The following DYRK1B variants were observed in gnomAD, a reference collection of about 807,000 sequenced individuals.
The protein encoded by DYRK1B is dual specificity tyrosine phosphorylation regulated kinase 1B.
In DYRK1B, 20 loss-of-function variants were observed where a neutral mutation model predicts 57.1. The observed-to-expected ratio is 0.35, with a 90% CI of 0.25 to 0.51. DYRK1B has a LOEUF of 0.51. DYRK1B is among the 20% of genes least tolerant of loss of function. DYRK1B has a pLI of 0.96. For synonymous variants in DYRK1B, 409 were observed against 384.7 expected, an observed-to-expected ratio of 1.06 and a Z score of -0.74; for missense variants, 732 against 886.3, an observed-to-expected ratio of 0.83 and a Z score of 2.21.
rs1968629884 is a variant in DYRK1B, at chr19:39,828,225, C to A, written c.807+72G>T. On this transcript the variant is annotated intron_variant, in intron 6 of 10. Coordinates refer to ENST00000323039, the MANE Select transcript of DYRK1B (RefSeq NM_004714.3). This position sits in a 1 kb window ranked among gnomAD's most constrained non-coding sequence, Gnocchi z 4.3. Reference sequence around the variant, plus strand: ...ATAATCCCATCCCAGCCAAGCCCCGCCCCTAAGCCTCCCGTTGGCTCTGCC... The same window carrying A: ...ATAATCCCATCCCAGCCAAGCCCCGACCCTAAGCCTCCCGTTGGCTCTGCC... 1 of 1,535,548 alleles carries A rather than the reference C, an allele frequency of 6.5e-7. No individual in the cohort carries two copies. The highest frequency in any genetic ancestry group is 2.3e-5 in the East Asian group (1 of 44,304).
chr19:39,833,074 C>T (rs1968898532), intron 1 of DYRK1B: 1 of 985,286 alleles, frequency 1.0e-6, no homozygotes, highest in Non-Finnish European at 1.2e-6. Context: ...AGGGTTCTCT[C>T]CTCCCAGAGT....
rs1274801234 is a variant in DYRK1B at position 39,826,120 on chromosome 19, C to T, written c.1519-34G>A. 6.4e-7 allele frequency: 1 copy of T among 1,555,074 alleles called. No homozygotes were observed. On this transcript the variant is annotated intron_variant, in intron 10 of 10. Transcript: ENST00000323039. This position sits in a 1 kb window ranked among gnomAD's most constrained non-coding sequence, Gnocchi z 6.3. ...GCAAAGGAGCCATGGGTGATGGAGACCCTGGTCTCTAAGCCCCAGGCACCA... is the reference window on the plus strand; with the variant it reads ...GCAAAGGAGCCATGGGTGATGGAGATCCTGGTCTCTAAGCCCCAGGCACCA...
At position 39,830,468 on chromosome 19, in the gene DYRK1B, A is replaced by G; in HGVS notation, c.279T>C (p.Asp93=). The part of the protein sequence containing the change: ...KEKKVLNHGY[D]DDNHDYIVRS... ...GCACGATGTAGTCATGGTTGTCGTCATCATAACCATGGTTCAGGACCTTCT... is the reference window on the plus strand; with the variant it reads ...GCACGATGTAGTCATGGTTGTCGTCGTCATAACCATGGTTCAGGACCTTCT... The change falls in exon 4 of 11, where the codon GAT becomes GAC. Residue 93 remains aspartate, a synonymous_variant. Transcript: ENST00000323039. 4 of 1,614,224 alleles carry G rather than the reference A, an allele frequency of 2.5e-6. No individual in the cohort carries two copies. Among genetic ancestry groups the G allele is most frequent in the Admixed American group, 1.7e-5 (1 of 60,038 alleles).
rs1968656655 is a variant in DYRK1B, at chr19:39,828,631, G to C, written c.521-48C>G. ...GGCCAGAGAAGAAACGGCTCAGAGA[G>C]GGCAGGTGGTGGCCTGGGGTCATAC... On this transcript the variant is annotated intron_variant, in intron 5 of 10. Coordinates refer to ENST00000323039, the MANE Select transcript of DYRK1B (RefSeq NM_004714.3). The surrounding 1 kb of genome is among the most constrained non-coding windows in gnomAD (Gnocchi z 4.3). 2 of 1,565,650 alleles carry C rather than the reference G, an allele frequency of 1.3e-6. No homozygotes were observed. The highest frequency in any genetic ancestry group is 2.4e-5 in the South Asian group (2 of 84,208).
rs780638095 is a variant in DYRK1B at position 39,827,674 on chromosome 19, G to A, written c.808-18C>T. On this transcript the variant is annotated intron_variant, in intron 6 of 10. Coordinates refer to ENST00000323039, the MANE Select transcript of DYRK1B (RefSeq NM_004714.3). ...TGGTAGATCTGGGAAAAGGGTAATC[G>A]TCAAGGGACCCAGCCTCCCCTACTG... is the stretch of plus-strand genomic sequence containing the variant. 3.3e-5 allele frequency: 53 copies of A among 1,608,742 alleles called. No homozygotes were observed. The highest frequency in any genetic ancestry group is 8.3e-5 in the Admixed American group (5 of 59,908).
chr19:39,830,601 G>C (rs1178333863), intron 3 of DYRK1B, 38 bp from the exon 4 acceptor site: 1 of 1,613,772 alleles, frequency 6.2e-7, no homozygotes, highest in Admixed American at 1.7e-5. Context: ...GGACTGGTGA[G>C]TGACTCATGC....
intron 8 of DYRK1B, 26 bp downstream of exon 8, chr19:39,827,259 G>A (rs1159696451): frequency 6.3e-7 from 1 of 1,591,634 alleles, no homozygotes; most frequent in Non-Finnish European, 8.6e-7. Context: ...CGGGGTGGGA[G>A]GAGTGGCATG....
In DYRK1B at chr19:39,830,714, G is replaced by T. The variant is rs780672797; in HGVS notation, c.133C>A (p.Leu45Met). 8 of 1,614,172 alleles carry T rather than the reference G, an allele frequency of 5.0e-6. No homozygotes were observed. Among genetic ancestry groups the T allele is most frequent in the Non-Finnish European group, 6.8e-6 (8 of 1,180,028 alleles). ...ATGAGGTCCACAGAGAGCTTACGCA[G>T]CGGGGCTGAGGTTGCATCCCGGAAG... Reference protein sequence around the residue: ...LAFRDATSAPLRKLSVDLIKT... With the variant: ...LAFRDATSAPMRKLSVDLIKT... Residue 45 changes from leucine to methionine, a missense_variant, in exon 3 of 11, where the codon CTG becomes ATG. Leu to Met is a conservative substitution (Grantham distance 15). Around this residue, in one of 2 missense-constraint regions of DYRK1B, gnomAD observed 510 missense variants for 681.3 expected, o/e 0.75. Transcript: ENST00000323039.
chr19:39,825,864 C>G lies in DYRK1B; in HGVS notation c.1741G>C (p.Ala581Pro), dbSNP rs1033917122. The change falls in exon 11 of 11, where the codon GCG becomes CCG. Residue 581 changes from alanine to proline, a missense_variant. Physicochemically the swap from Ala to Pro is conservative, Grantham distance 27 (BLOSUM62 -1). Transcript: ENST00000323039. ...GPADCSPPHP[A>P]PAPQHPAASA... Reference sequence around the variant, plus strand: ...GCAGCCGGGTGCTGGGGGGCAGGCGCTGGGTGAGGTGGGGAGCAGTCAGCA... The same window carrying G: ...GCAGCCGGGTGCTGGGGGGCAGGCGGTGGGTGAGGTGGGGAGCAGTCAGCA... The G allele has an allele frequency of 2.5e-6, 4 of 1,602,728 alleles. No homozygotes were observed. In the African/African-American group the frequency reaches 5.4e-5, roughly 21 times the overall value.
In DYRK1B at chr19:39,826,168, A is replaced by G. The variant is rs780476805; in HGVS notation, c.1518+12T>C. The G allele has an allele frequency of 3.8e-6, 6 of 1,587,332 alleles. No homozygotes were observed. In the East Asian group the frequency reaches 9.2e-5, roughly 24 times the overall value. On this transcript the variant is annotated intron_variant, in intron 10 of 10. Coordinates refer to ENST00000323039, the MANE Select transcript of DYRK1B (RefSeq NM_004714.3). This position sits in a 1 kb window ranked among gnomAD's most constrained non-coding sequence, Gnocchi z 6.3. ...CCACCACCCACCTCCAAAGCCCCCA[A>G]AGCCCCATTACCTGGGGGCTGTTCA...
chr19:39,832,528 T>C (rs2145038842), intron 1 of DYRK1B, among the ~76,000 whole-genome samples: 1 of 151,870 alleles, frequency 6.6e-6, no homozygotes, highest in Non-Finnish European at 1.5e-5. Context: ...ACCACATGAG[T>C]CTTCCCCTCC....
At position 39,828,570 on chromosome 19, in the gene DYRK1B, C is replaced by A. The variant is rs1374500674; in HGVS notation, c.534G>T (p.Arg178=). 1 of 1,608,094 alleles carries A rather than the reference C, an allele frequency of 6.2e-7. No homozygotes were observed. Among genetic ancestry groups the A allele is most frequent in the East Asian group, 2.2e-5 (1 of 44,688 alleles). ...ACAGGTGGTTCCGGAACATGAAGTG[C>A]CGCTTCAGGTGTACTGCGGGGGAGG... is the stretch of plus-strand genomic sequence containing the variant. The part of the protein sequence containing the change: ...EMKYYIVHLK[R]HFMFRNHLCL... The change falls in exon 6 of 11, where the codon CGG becomes CGT. Residue 178 remains arginine (R), a synonymous_variant. Transcript: ENST00000323039. This position sits in a 1 kb window ranked among gnomAD's most constrained non-coding sequence, Gnocchi z 4.3.
Position 39,826,790 on chromosome 19 carries a change from G to C in DYRK1B, c.1293C>G (p.Phe431Leu). 1 of 1,550,544 alleles carries C rather than the reference G, an allele frequency of 6.4e-7. No individual in the cohort carries two copies. The highest frequency in any genetic ancestry group is 8.7e-7 in the Non-Finnish European group (1 of 1,150,302). Residue 431 changes from phenylalanine to leucine, a missense_variant, in exon 9 of 11, where the codon TTC becomes TTG. Physicochemically the swap from Phe to Leu is conservative, Grantham distance 22. Around this residue, in one of 2 missense-constraint regions of DYRK1B, gnomAD observed 510 missense variants for 681.3 expected, o/e 0.75. Transcript: ENST00000323039. This position sits in a 1 kb window ranked among gnomAD's most constrained non-coding sequence, Gnocchi z 6.3. ...TGGTGGCCTCGTCGGCCGTGCGGCG[G>C]AAGAAGCCGTGCTGCAGAGCCCCCA... ...SPLGALQHGFFRRTADEATNT... is the reference protein window; with the variant it reads ...SPLGALQHGFLRRTADEATNT...
In DYRK1B at chr19:39,826,735, T is replaced by C. The variant is rs774351255; in HGVS notation, c.1348A>G (p.Thr450Ala). 2 of 1,597,604 alleles carry C rather than the reference T, an allele frequency of 1.3e-6. No homozygotes were observed. Among genetic ancestry groups the C allele is most frequent in the Non-Finnish European group, 1.7e-6 (2 of 1,173,806 alleles). ...NTGPAGSSASTSPAPLDTCPS... is the reference protein window; with the variant it reads ...NTGPAGSSASASPAPLDTCPS... ...CAGGTGTCGAGGGGCGCGGGCGAGG[T>C]GGAGGCACTGCTGCCTGCCGGGCCC... The change falls in exon 9 of 11, where the codon ACC becomes GCC. Residue 450 changes from threonine (T) to alanine (A), a missense_variant. This residue lies in a region of DYRK1B where 510 missense variants were observed against 681.3 expected (regional missense o/e 0.75). Transcript: ENST00000323039. The surrounding 1 kb of genome is among the most constrained non-coding windows in gnomAD (Gnocchi z 6.3).
chr19:39,827,750 T>A (rs1599640117), intron 6 of DYRK1B, 94 bp from the exon 7 acceptor site: 1 of 1,472,976 alleles, frequency 6.8e-7, no homozygotes, highest in East Asian at 2.3e-5. Context: ...GACAGGCTTC[T>A]TGCTGACAAA....
rs1421953271 is a variant in DYRK1B, at chr19:39,828,799, A to G, written c.521-216T>C. The stretch of plus-strand genomic sequence containing the variant: ...GTCAAACCCTCCAATTAAACCAAAG[A>G]GAAAGTTTCATTAGTTACTACTAGC... On this transcript the variant is annotated intron_variant, in intron 5 of 10. Transcript: ENST00000323039. The surrounding 1 kb of genome is among the most constrained non-coding windows in gnomAD (Gnocchi z 4.3). 3.3e-5 allele frequency among the ~76,000 whole-genome samples: 5 copies of G among 152,220 alleles called. No individual in the cohort carries two copies. Among genetic ancestry groups the G allele is most frequent in the Non-Finnish European group, 7.3e-5 (5 of 68,032 alleles).
chr19:39,830,268 TG>T, intron 4 of DYRK1B, 106 bp downstream of exon 4: 2 of 1,411,182 alleles, frequency 1.4e-6, no homozygotes. Flanking sequence ...GGAAACTAAG[TG>T]GGCTAGGGTG....
rs1475991911 is a variant in DYRK1B, at chr19:39,825,833, G to T, written c.1772C>A (p.Ala591Asp). 1 of 1,610,400 alleles carries T rather than the reference G, an allele frequency of 6.2e-7. No homozygotes were observed. The highest frequency in any genetic ancestry group is 1.7e-5 in the Admixed American group (1 of 59,680). Residue 591 changes from alanine (A) to aspartate (D), a missense_variant, in exon 11 of 11, where the codon GCC (alanine) becomes GAC (aspartate). By Grantham distance (126) the Ala-to-Asp change is moderately radical. Transcript: ENST00000323039. ...APAPQHPAAS[A>D]LRTRMTGGRP... Reference sequence around the variant, plus strand: ...ACCTCCAGTCATCCGAGTCCGGAGGGCTGAGGCAGCCGGGTGCTGGGGGGC... The same window carrying T: ...ACCTCCAGTCATCCGAGTCCGGAGGTCTGAGGCAGCCGGGTGCTGGGGGGC...
chr19:39,826,736 G>T lies in DYRK1B; in HGVS notation c.1347C>A (p.Ser449=). The T allele has an allele frequency of 6.3e-7, 1 of 1,598,874 alleles. No individual in the cohort carries two copies. ...AGGTGTCGAGGGGCGCGGGCGAGGT[G>T]GAGGCACTGCTGCCTGCCGGGCCCG... The part of the protein sequence containing the change: ...TNTGPAGSSA[S]TSPAPLDTCP... The change falls in exon 9 of 11, where the codon TCC becomes TCA. Residue 449 remains serine (S), a synonymous_variant. Transcript: ENST00000323039. This position sits in a 1 kb window ranked among gnomAD's most constrained non-coding sequence, Gnocchi z 6.3.
Sources: allele counts gnomAD v4.1 joint callset (sites outside exome capture counted in the v4.1 genomes callset), GRCh38; gene constraint gnomAD v4.1.1; regional missense constraint gnomAD v4.1.1; non-coding constraint Gnocchi (gnomAD v3.1); transcripts MANE v1.5; gene names NCBI Gene and HGNC (gene_info 2026-07-23, HGNC 2026-07-21).